LAMB4: variants seen among roughly 807,000 people sequenced by gnomAD.
The protein encoded by LAMB4 is laminin subunit beta 4, also known as laminin subunit beta-4.
A neutral mutation model predicts 199.2 loss-of-function variants in LAMB4; 196 were observed. The observed-to-expected ratio is 0.98, with a 90% confidence interval of 0.88 to 1.11. LAMB4 has a LOEUF of 1.11. LAMB4 is among the 50% of genes least tolerant of loss of function. LAMB4 has a pLI of 0.00. For synonymous variants in LAMB4, 744 were observed against 770.6 expected (o/e 0.97, Z 0.57); for missense variants, 2,080 against 2,171.2 (o/e 0.96, Z 0.83).
In LAMB4 at chr7:108,098,502, C is replaced by A. The variant is rs2037710353; in HGVS notation, c.1261G>T (p.Gly421Cys). The change falls in exon 11 of 34, where the codon GGC becomes TGC. Residue 421 changes from glycine (G) to cysteine (C), a missense_variant. By Grantham distance (159) the Gly-to-Cys change is radical. Transcript: ENST00000388781. ...ACGTTCTCTTTACAAAGGCACTGGC[C>A]GGCCACAGACCCTAAGGCAGGATCA... The part of the protein sequence containing the change: ...HSDPALGSVA[G>C]QCLCKENVEG... 1 of 1,613,828 alleles carries A rather than the reference C, an allele frequency of 6.2e-7. No homozygotes were observed. The highest frequency in any genetic ancestry group is 1.3e-5 in the African/African-American group (1 of 74,890).
At chr7:108,083,447 G>A (rs926738343) in intron 14 of LAMB4, among the ~76,000 whole-genome samples, 2 of 152,142 alleles carry the variant, frequency 1.3e-5, no homozygotes, top group African/African-American at 4.8e-5. Flanking sequence ...TCTGAGGGCC[G>A]ATTCACCAAG....
At chr7:108,096,206 G>A (rs1042096130) in intron 11 of LAMB4, among the ~76,000 whole-genome samples, 2 of 151,990 alleles carry the variant, frequency 1.3e-5, no homozygotes, top group Non-Finnish European at 2.9e-5. Context: ...TGCTGCTTTC[G>A]GTCTGATTTT....
chr7:108,013,697 G>A, the LAMB4 span, among the ~76,000 whole-genome samples: 6 of 152,212 alleles, frequency 3.9e-5, no homozygotes, highest in African/African-American at 7.2e-5. Context: ...ATGTACTAAC[G>A]TTTAAAACAG....
chr7:108,038,414 C>G (rs956653301), intron 29 of LAMB4, among the ~76,000 whole-genome samples: 10 of 152,178 alleles, frequency 6.6e-5, no homozygotes, highest in Admixed American at 5.9e-4. Context: ...ACCCACCTTG[C>G]CCTCCCAAAG....
chr7:108,126,860 GC>G (rs1365309667), intron 1 of LAMB4, among the ~76,000 whole-genome samples: 2 of 152,130 alleles, frequency 1.3e-5, no homozygotes, highest in Non-Finnish European at 1.5e-5. Flanking sequence ...GAGCCACCGC[GC>G]CCGGCCTTCT....
chr7:108,013,297 T>G, the LAMB4 span, among the ~76,000 whole-genome samples: 1 of 152,218 alleles, frequency 6.6e-6, no homozygotes, highest in Non-Finnish European at 1.5e-5. Flanking sequence ...CTATGCCTCT[T>G]GTGCTTTCTG....
intron 4 of LAMB4, among the ~76,000 whole-genome samples, chr7:108,111,163 C>G (rs778052293): frequency 3.3e-5 from 5 of 152,178 alleles, no homozygotes; most frequent in African/African-American, 1.2e-4. Context: ...GATGGACATA[C>G]ATTTGGGCAC....
At chr7:108,117,439 G>A (rs1375608453) in intron 2 of LAMB4, among the ~76,000 whole-genome samples, 2 of 152,114 alleles carry the variant, frequency 1.3e-5, no homozygotes, top group Non-Finnish European at 2.9e-5. Flanking sequence ...GTTAATTGTT[G>A]GGAAGATTGA....
chr7:108,029,166 T>C lies in LAMB4; in HGVS notation c.5023A>G (p.Ile1675Val), dbSNP rs1458686281. The change falls in exon 33 of 34, where the codon ATT becomes GTT. Residue 1675 changes from isoleucine (I) to valine (V), a missense_variant. Ile to Val is a conservative substitution (Grantham distance 29). Transcript: ENST00000388781. The part of the protein sequence containing the change: ...EFVELKKQYA[I>V]LQRKTSTTGL... ...GTAGTGCTTGTCTTACGTTGGAGAA[T>C]AGCATATTGTTTTTTCAGCTCAACA... The C allele has an allele frequency of 1.2e-6, 2 of 1,612,292 alleles. No individual in the cohort carries two copies. Among genetic ancestry groups the C allele is most frequent in the African/African-American group, 1.3e-5 (1 of 74,874 alleles).
At chr7:108,104,690 A>C in intron 8 of LAMB4, 71 bp from the exon 9 acceptor site, 1 of 1,561,718 alleles carries the variant, frequency 6.4e-7, no homozygotes, top group Non-Finnish European at 8.7e-7. Context: ...TTTAAATGGG[A>C]AATGAAATAC....
rs747494527 is a variant in LAMB4, at chr7:108,069,819, G to T, written c.2191C>A (p.Gln731Lys). The T allele has an allele frequency of 6.2e-7, 1 of 1,613,928 alleles. No homozygotes were observed. Among genetic ancestry groups the T allele is most frequent in the South Asian group, 1.1e-5 (1 of 91,072 alleles). Reference sequence around the variant, plus strand: ...GCAATTTCAACACAGTTGTGAAGCTGATACTCATCTAAGTCCTGCTTGCTG... The same window carrying T: ...GCAATTTCAACACAGTTGTGAAGCTTATACTCATCTAAGTCCTGCTTGCTG... ...FCSKQDLDEYQLHNCVEIASA... is the reference protein window; with the variant it reads ...FCSKQDLDEYKLHNCVEIASA... The change falls in exon 18 of 34, where the codon CAG (glutamine) becomes AAG (lysine). Residue 731 changes from glutamine to lysine, a missense_variant. Physicochemically the swap from Gln to Lys is moderately conservative, Grantham distance 53. Transcript: ENST00000388781.
intron 13 of LAMB4, 24 bp from the exon 14 acceptor site, chr7:108,091,800 G>GA (rs1185619433): frequency 1.2e-6 from 2 of 1,610,390 alleles, no homozygotes; most frequent in Non-Finnish European, 1.7e-6. Flanking sequence ...AATTCATCAT[G>GA]AAAAAATGCA....
chr7:108,079,825 T>G, intron 14 of LAMB4, 39 bp from the exon 15 acceptor site: 1 of 1,492,280 alleles, frequency 6.7e-7, no homozygotes, highest in Non-Finnish European at 9.0e-7. Flanking sequence ...TTGCCTACAG[T>G]CAAGGCCTGA....
chr7:108,035,849 T>A (rs551743726), intron 30 of LAMB4, among the ~76,000 whole-genome samples: 3 of 146,162 alleles, frequency 2.1e-5, no homozygotes, highest in Non-Finnish European at 4.4e-5. Flanking sequence ...AAACATCTTT[T>A]ATCAACTTTT....
rs1232215399 is a variant in LAMB4, at chr7:108,053,499, G to A, written c.3756-1242C>T. ...AAGGAGCATAAAGAGGTGAGAAGAT[G>A]GAGAAGGAAATACAGGCTTCTCTGT... On this transcript the variant is annotated intron_variant, in intron 25 of 33. Coordinates refer to ENST00000388781, the MANE Select transcript of LAMB4 (RefSeq NM_007356.3). Among the ~76,000 whole-genome samples, 3 of 152,358 alleles carry A rather than the reference G, an allele frequency of 2.0e-5. No homozygotes were observed. The South Asian group carries it at 6.2e-4, about 32-fold the overall frequency.
chr7:108,123,080 A>C, intron 2 of LAMB4, 51 bp downstream of exon 2: 1 of 1,501,816 alleles, frequency 6.7e-7, no homozygotes, highest in Non-Finnish European at 9.1e-7. Context: ...TTTCCATTAA[A>C]TATTTTAGGA....
In LAMB4 at chr7:108,111,827, C is replaced by A; in HGVS notation, c.312G>T (p.Trp104Cys). The A allele has an allele frequency of 6.2e-7, 1 of 1,611,824 alleles. No homozygotes were observed. Among genetic ancestry groups the A allele is most frequent in the Non-Finnish European group, 8.5e-7 (1 of 1,179,202 alleles). ...VSFEPDREKK[W>C]WQSENGLDHV... ...AAATCATACCATTTTCAGATTGCCA[C>A]CATTTCTTTTCTCTGTCTGGTTCAA... The change falls in exon 4 of 34, where the codon TGG (tryptophan) becomes TGT (cysteine). Residue 104 changes from tryptophan (W) to cysteine (C), a missense_variant. Coordinates refer to ENST00000388781, the MANE Select transcript of LAMB4 (RefSeq NM_007356.3).
Position 108,116,022 on chromosome 7 carries a change from G to A in LAMB4, c.174C>T (p.Cys58=). The change falls in exon 3 of 34, where the codon TGC becomes TGT. Residue 58 remains cysteine (C), a synonymous_variant. Transcript: ENST00000388781. ...TCGLSRAQKY[C]ILSYLEGEQK... ...AACCCACCTCCAGGTAACTGAGGAT[G>A]CAGTATTTCTGGGCTCTGCTCAGCC... 1 of 1,612,992 alleles carries A rather than the reference G, an allele frequency of 6.2e-7. No individual in the cohort carries two copies. The highest frequency in any genetic ancestry group is 8.5e-7 in the Non-Finnish European group (1 of 1,179,212).
intron 26 of LAMB4, 39 bp downstream of exon 26, chr7:108,052,058 C>A: frequency 6.4e-7 from 1 of 1,558,562 alleles, no homozygotes; most frequent in Non-Finnish European, 8.7e-7. Context: ...TTTCATCAAA[C>A]TTTGTGCAGA....
Sources: allele counts gnomAD v4.1 joint callset (sites outside exome capture counted in the v4.1 genomes callset), GRCh38; gene constraint gnomAD v4.1.1; transcripts MANE v1.5; gene names NCBI Gene and HGNC (gene_info 2026-07-23, HGNC 2026-07-21).